Variants in ARL8B observed in about 807,000 individuals in gnomAD.
ARL8B encodes the protein ARF like GTPase 8B, also known as ADP-ribosylation factor-like protein 8B.
ARL8B carries 9 observed loss-of-function variants against 30.6 expected under a neutral mutation model. That is an observed-to-expected ratio of 0.29 (90% CI 0.18 to 0.51). The LOEUF is 0.51. ARL8B is among the 20% of genes least tolerant of loss of function. The pLI, the probability that ARL8B is intolerant of heterozygous loss-of-function variation, is 0.97. For missense variants in ARL8B, 130 were observed against 227.2 expected, an observed-to-expected ratio of 0.57 and a Z score of 2.75; for synonymous variants, 74 against 76.0, an observed-to-expected ratio of 0.97 and a Z score of 0.14.
intron 6 of ARL8B, among the ~76,000 whole-genome samples, chr3:5,175,441 A>G (rs138840630): frequency 8.5e-5 from 13 of 152,374 alleles, no homozygotes; most frequent in Middle Eastern, 3.4e-3. Context: ...TTTTTGAAAT[A>G]AGACTTTACA....
intron 1 of ARL8B, among the ~76,000 whole-genome samples, chr3:5,140,956 C>T (rs1399295431): frequency 6.6e-6 from 1 of 152,184 alleles, no homozygotes; most frequent in Non-Finnish European, 1.5e-5. Flanking sequence ...GGGACAGTTA[C>T]AACAGGTAAT....
rs956224502 is a variant in ARL8B at position 5,122,330 on chromosome 3, C to T, written c.-136C>T. On this transcript the variant is annotated 5_prime_UTR_variant, in exon 1 of 7. Transcript: ENST00000256496. ...GGCTTCCTGGGTCTGGCTGCTGCCGCCCGCCGGTGTCCGCCCGTGTCGCGC... is the reference window on the plus strand; with the variant it reads ...GGCTTCCTGGGTCTGGCTGCTGCCGTCCGCCGGTGTCCGCCCGTGTCGCGC... 8 of 1,531,662 alleles carry T rather than the reference C, an allele frequency of 5.2e-6. No homozygotes were observed. Among genetic ancestry groups the T allele is most frequent in the Non-Finnish European group, 7.0e-6 (8 of 1,140,514 alleles). The allele number at this position is 1,531,662 out of a possible 1,614,324, so 94.9% of individuals were successfully genotyped here. A position where few individuals can be genotyped will look rare whatever the true frequency, so the allele number is the denominator to read the frequency against.
At chr3:5,128,182 AAGC>A (rs1253075370) in intron 1 of ARL8B, among the ~76,000 whole-genome samples, 1 of 151,762 alleles carries the variant, frequency 6.6e-6, no homozygotes, top group Admixed American at 6.6e-5. Flanking sequence ...AAAAAAAAAA[AAGC>A]AGAAATAATT....
At chr3:5,162,073 C>T (rs1251861074) in intron 1 of ARL8B, among the ~76,000 whole-genome samples, 1 of 152,222 alleles carries the variant, frequency 6.6e-6, no homozygotes, top group Non-Finnish European at 1.5e-5. Flanking sequence ...TCTGTGTATG[C>T]TGTCAAGGCA....
rs111770765 is a variant in ARL8B at position 5,137,018 on chromosome 3, C to T, written c.123+14430C>T. On this transcript the variant is annotated intron_variant, in intron 1 of 6. Transcript: ENST00000256496. ...TATGGCCTTTAAATGAAGCAGTGTG[C>T]CTACTGCTCTGTAATTGTTGACTTA... is the stretch of plus-strand genomic sequence containing the variant. 2.6e-3 allele frequency among the ~76,000 whole-genome samples: 397 copies of T among 152,186 alleles called. 1 individual carries two copies. The highest frequency in any genetic ancestry group is 9.2e-3 in the African/African-American group (382 of 41,514).
intron 1 of ARL8B, among the ~76,000 whole-genome samples, chr3:5,125,756 C>T (rs1363904915): frequency 6.6e-6 from 1 of 152,198 alleles, no homozygotes; most frequent in East Asian, 1.9e-4. Context: ...TGTTCTCGAA[C>T]TCCTGGTCTC....
intron 1 of ARL8B, among the ~76,000 whole-genome samples, chr3:5,169,856 C>T (rs2054656140): frequency 6.6e-6 from 1 of 152,120 alleles, no homozygotes; most frequent in African/African-American, 2.4e-5. Context: ...CTCCACTGAA[C>T]AGTTAAAAGA....
chr3:5,163,040 T>C (rs1465924708), intron 1 of ARL8B, among the ~76,000 whole-genome samples: 1 of 143,370 alleles, frequency 7.0e-6, no homozygotes, highest in East Asian at 2.0e-4. Flanking sequence ...CAGGCTGGAG[T>C]GCAGTGGCGT....
In ARL8B at chr3:5,172,738, C is replaced by T. The variant is rs1321772643; in HGVS notation, c.370C>T (p.Pro124Ser). 3.2e-6 allele frequency: 5 copies of T among 1,577,090 alleles called. No individual in the cohort carries two copies. The highest frequency in any genetic ancestry group is 1.3e-5 in the African/African-American group (1 of 74,140). The change falls in exon 4 of 7, where the codon CCA becomes TCA. Residue 124 changes from proline (P) to serine (S), a missense_variant and splice_region_variant. Transcript: ENST00000256496. ...LLDKPQLQGIPVLVLGNKRDL... is the reference protein window; with the variant it reads ...LLDKPQLQGISVLVLGNKRDL... ...AGATAAACCACAGTTACAAGGAATT[C>T]CAGTAAGTATGGAATACTTGTTATT...
rs10552472 is a variant in ARL8B, at chr3:5,173,713, TCAAACAAA to T, written c.373-279_373-272del. ...CTGGGTGACAGAGCGAGACTCTGTC[TCAAACAAA>T]CAAACAAACAAACAAACAAACAAAA... On this transcript the variant is annotated intron_variant, in intron 4 of 6. Transcript: ENST00000256496. Among the ~76,000 whole-genome samples, 345 of 151,258 alleles carry T rather than the reference TCAAACAAA, an allele frequency of 2.3e-3. 1 individual carries two copies. The highest frequency in any genetic ancestry group is 8.3e-3 in the South Asian group (40 of 4,794).
intron 3 of ARL8B, 146 bp downstream of exon 3, chr3:5,172,369 G>T (rs937401665): frequency 2.6e-5 from 19 of 735,518 alleles, no homozygotes; most frequent in Non-Finnish European, 4.0e-5. Context: ...TTCCCAACAT[G>T]GGATTTAAAA....
chr3:5,123,948 A>ACTGCAACCTCCACCTCC (rs946153593), intron 1 of ARL8B, among the ~76,000 whole-genome samples: 11 of 152,086 alleles, frequency 7.2e-5, no homozygotes, highest in African/African-American at 2.4e-4. Flanking sequence ...ATCTCAGCTC[A>ACTGCAACCTCCACCTCC]CTGCAACCTC....
chr3:5,129,263 C>T (rs2106552915), intron 1 of ARL8B, among the ~76,000 whole-genome samples: 1 of 152,100 alleles, frequency 6.6e-6, no homozygotes, highest in East Asian at 1.9e-4. Flanking sequence ...CAACCTCCAC[C>T]TCTCGGGTTC....
intron 1 of ARL8B, among the ~76,000 whole-genome samples, chr3:5,139,322 C>T (rs1318176036): frequency 6.6e-6 from 1 of 152,152 alleles, no homozygotes; most frequent in Non-Finnish European, 1.5e-5. Context: ...CTTGCCTCTA[C>T]TATGCCTAGG....
At chr3:5,138,642 TCTTACTGCG>T (rs2054347185) in intron 1 of ARL8B, among the ~76,000 whole-genome samples, 1 of 152,190 alleles carries the variant, frequency 6.6e-6, no homozygotes, top group South Asian at 2.1e-4. Flanking sequence ...CACTCCAACT[TCTTACTGCG>T]CTTACTGCAC....
intron 1 of ARL8B, among the ~76,000 whole-genome samples, chr3:5,136,998 C>A (rs1186035289): frequency 6.6e-6 from 1 of 152,100 alleles, no homozygotes; most frequent in Non-Finnish European, 1.5e-5. Flanking sequence ...ATATTTATGG[C>A]CTTTAAATGA....
intron 1 of ARL8B, among the ~76,000 whole-genome samples, chr3:5,141,304 T>A (rs1163186876): frequency 1.3e-5 from 2 of 152,240 alleles, no homozygotes; most frequent in African/African-American, 4.8e-5. Context: ...CTTTTCTATT[T>A]ACTTCCTTTG....
chr3:5,133,582 G>C (rs1232661945), intron 1 of ARL8B, among the ~76,000 whole-genome samples: 1 of 152,148 alleles, frequency 6.6e-6, no homozygotes, highest in Non-Finnish European at 1.5e-5. Context: ...CAGTTACAGG[G>C]TGGGGAAGAA....
intron 1 of ARL8B, among the ~76,000 whole-genome samples, chr3:5,147,179 C>G (rs573572702): frequency 6.6e-6 from 1 of 152,184 alleles, no homozygotes; most frequent in South Asian, 2.1e-4. Context: ...CTCCTCCTAC[C>G]CCACGACAGG....
Sources: gnomAD v4.1 joint callset for allele counts (sites outside exome capture counted in the v4.1 genomes callset) on GRCh38, gnomAD v4.1.1 for gene constraint, MANE v1.5 for transcripts, NCBI Gene and HGNC (gene_info 2026-07-23, HGNC 2026-07-21) for gene names.